The following CDC26 variants were observed in gnomAD, a reference collection of about 807,000 sequenced individuals.
CDC26 encodes anaphase-promoting complex subunit CDC26.
CDC26 carries 2 observed loss-of-function variants against 8.0 expected under a neutral mutation model. That is an observed-to-expected ratio of 0.25 (90% confidence interval 0.10 to 0.79). The LOEUF (loss-of-function observed/expected upper bound fraction) is 0.79. CDC26 is among the 30% of genes least tolerant of loss of function. The pLI, the probability that CDC26 is intolerant of heterozygous loss-of-function variation, is 0.70. For missense variants in CDC26, 68 were observed against 106.0 expected (o/e 0.64, Z 1.57); for synonymous variants, 19 against 34.9 (o/e 0.55, Z 1.60).
rs1588003186 is a variant in CDC26 at position 113,272,599 on chromosome 9, A to G, written c.-41-51T>C. 5 of 872,464 alleles carry G rather than the reference A, an allele frequency of 5.7e-6. No individual in the cohort carries two copies. The East Asian group carries it at 1.2e-4, about 21-fold the overall frequency. 54.0% of individuals were successfully genotyped at this position (872,464 alleles called of 1,614,324 possible). ...AAATCTGAAGGTGATAAAGTCTCAG[A>G]TACAAAACATAAAATCAATTTGCAA... On this transcript the variant is annotated intron_variant, in intron 2 of 3. Coordinates refer to ENST00000374206, the MANE Select transcript of CDC26 (RefSeq NM_139286.4).
chr9:113,272,914 AC>A (rs1427681274), intron 2 of CDC26, among the ~76,000 whole-genome samples: 1 of 151,986 alleles, frequency 6.6e-6, no homozygotes. Context: ...CTGGTCTCAA[AC>A]TCTTGGGCTC....
At position 113,270,662 on chromosome 9, in the gene CDC26, A is replaced by G. The variant is rs374712856; in HGVS notation, c.81+1765T>C. 1.4e-3 allele frequency among the ~76,000 whole-genome samples: 208 copies of G among 152,296 alleles called. 5 individuals are homozygous for G. In the South Asian group the frequency reaches 0.02, roughly 15 times the overall value. ...CTGGAAGAAAGGGAGCACTCCAGGC[A>G]GGGGGAAATAATATGTGGAAAGTCC... On this transcript the variant is annotated intron_variant, in intron 3 of 3. Transcript: ENST00000374206.
chr9:113,275,532 G>A lies in CDC26; in HGVS notation c.-302C>T. 1 of 540,838 alleles carries A rather than the reference G, an allele frequency of 1.8e-6. No homozygotes were observed. Among genetic ancestry groups the A allele is most frequent in the Non-Finnish European group, 3.3e-6 (1 of 303,422 alleles). 33.5% of individuals were successfully genotyped at this position (540,838 alleles called of 1,614,324 possible). ...CCGCGAGCTTTTCCTGGAGGTTCTA[G>A]GAGGGATGCCCCTCAATGCCACGAC... On this transcript the variant is annotated 5_prime_UTR_variant, in exon 1 of 4. Coordinates refer to ENST00000374206, the MANE Select transcript of CDC26 (RefSeq NM_139286.4).
chr9:113,271,848 A>T (rs1333174620), intron 3 of CDC26, among the ~76,000 whole-genome samples: 2 of 152,188 alleles, frequency 1.3e-5, no homozygotes, highest in Non-Finnish European at 2.9e-5. Context: ...GTATATACAT[A>T]TTTATGTATG....
chr9:113,269,534 TG>T (rs1831921732), intron 3 of CDC26, among the ~76,000 whole-genome samples: 1 of 132,330 alleles, frequency 7.6e-6, no homozygotes, highest in Non-Finnish European at 1.6e-5. Context: ...AGTTTTCTAC[TG>T]GTTTCACTTT....
intron 3 of CDC26, 111 bp downstream of exon 3, chr9:113,272,316 G>C: frequency 1.3e-6 from 1 of 791,156 alleles, no homozygotes; most frequent in Non-Finnish European, 2.2e-6. Context: ...CACGCGGGAG[G>C]CTGAGGCAGA....
rs1832051298 is a variant in CDC26 at position 113,275,429 on chromosome 9, C to T, written c.-199G>A. ...CCTTCCCGGAACCTCGGCTCCCCCC[C>T]AACGAAACTACTGCTAAGCCAACTG... On this transcript the variant is annotated 5_prime_UTR_variant, in exon 1 of 4. Transcript: ENST00000374206. 6.0e-6 allele frequency: 2 copies of T among 335,852 alleles called. No individual in the cohort carries two copies. Among genetic ancestry groups the T allele is most frequent in the Non-Finnish European group, 1.1e-5 (2 of 183,388 alleles). 20.8% of individuals were successfully genotyped at this position (335,852 alleles called of 1,614,324 possible). A position where few individuals can be genotyped will look rare whatever the true frequency, so the allele number is the denominator to read the frequency against.
At chr9:113,271,469 G>A (rs1831955367) in intron 3 of CDC26, among the ~76,000 whole-genome samples, 1 of 152,058 alleles carries the variant, frequency 6.6e-6, no homozygotes, top group South Asian at 2.1e-4. Flanking sequence ...TTCACAGACA[G>A]AAAAGAAGAC....
intron 3 of CDC26, among the ~76,000 whole-genome samples, chr9:113,270,681 A>G (rs1014346869): frequency 2.0e-5 from 3 of 152,228 alleles, no homozygotes; most frequent in Middle Eastern, 3.2e-3. Flanking sequence ...TAATATGTGG[A>G]AAGTCCATGG....
Position 113,267,350 on chromosome 9 carries a change from C to T in CDC26, c.171G>A (p.Arg57=). ...CAATCCGATCATTGATCATTTGTTCCCGGCTCTTGGGATCACTGCTAAGCC... is the reference window on the plus strand; with the variant it reads ...CAATCCGATCATTGATCATTTGTTCTCGGCTCTTGGGATCACTGCTAAGCC... ...AIGLSSDPKS[R]EQMINDRIGY... is the part of the protein sequence containing the mutation. The change falls in exon 4 of 4, where the codon CGG becomes CGA. Residue 57 remains arginine, a synonymous_variant. Transcript: ENST00000374206. The T allele has an allele frequency of 6.2e-7, 1 of 1,600,670 alleles. No homozygotes were observed. The highest frequency in any genetic ancestry group is 8.5e-7 in the Non-Finnish European group (1 of 1,174,782).
chr9:113,268,568 C>T (rs1361342386), intron 3 of CDC26, among the ~76,000 whole-genome samples: 4 of 152,230 alleles, frequency 2.6e-5, no homozygotes, highest in African/African-American at 9.6e-5. Context: ...CTACTCAAAT[C>T]ACTGGAATTA....
intron 3 of CDC26, among the ~76,000 whole-genome samples, chr9:113,268,234 A>T (rs553889483): frequency 2.5e-4 from 38 of 152,344 alleles, no homozygotes; most frequent in African/African-American, 8.4e-4. Flanking sequence ...GAGAATAGAA[A>T]AATAAATTGG....
At position 113,275,481 on chromosome 9, in the gene CDC26, C is replaced by CCT. The variant is rs1246777873; in HGVS notation, c.-253_-252dup. The CCT allele has an allele frequency of 1.7e-5, 8 of 478,830 alleles. 1 individual carries two copies. The highest frequency in any genetic ancestry group is 1.2e-4 in the South Asian group (4 of 34,546). 29.7% of individuals were successfully genotyped at this position (478,830 alleles called of 1,614,324 possible). On this transcript the variant is annotated 5_prime_UTR_variant, in exon 1 of 4. Transcript: ENST00000374206. ...ACTACACTTCCCAGACTGCTTGGAGCCTCTCTCTCCGCAGAACCTCGTCTT... is the reference window on the plus strand; with the variant it reads ...ACTACACTTCCCAGACTGCTTGGAGCCTCTCTCTCTCCGCAGAACCTCGTCTT...
At chr9:113,274,515 G>A (rs1832022922) in intron 1 of CDC26, among the ~76,000 whole-genome samples, 2 of 151,768 alleles carry the variant, frequency 1.3e-5, no homozygotes, top group Non-Finnish European at 2.9e-5. Flanking sequence ...GAAAGAGAGG[G>A]ATAGGGATAC....
chr9:113,274,878 A>G (rs1451678500), intron 1 of CDC26, among the ~76,000 whole-genome samples: 2 of 152,136 alleles, frequency 1.3e-5, no homozygotes, highest in Non-Finnish European at 2.9e-5. Context: ...GGAAACGTCA[A>G]TATTTTGAGG....
intron 3 of CDC26, among the ~76,000 whole-genome samples, chr9:113,267,774 G>T (rs1007503203): frequency 1.1e-4 from 17 of 152,006 alleles, no homozygotes; most frequent in African/African-American, 4.1e-4. Context: ...GGATCACGAG[G>T]TCAGGAGATC....
intron 3 of CDC26, among the ~76,000 whole-genome samples, chr9:113,271,431 A>G (rs936252679): frequency 6.6e-6 from 1 of 152,156 alleles, no homozygotes; most frequent in African/African-American, 2.4e-5. Context: ...ACAATCACAC[A>G]TATCATAAGA....
At chr9:113,269,801 G>A (rs1306424547) in intron 3 of CDC26, among the ~76,000 whole-genome samples, 1 of 152,158 alleles carries the variant, frequency 6.6e-6, no homozygotes, top group African/African-American at 2.4e-5. Flanking sequence ...ATGAAGCAGG[G>A]GGAAAGAAAT....
At chr9:113,270,187 A>C (rs945948997) in intron 3 of CDC26, among the ~76,000 whole-genome samples, 2 of 152,224 alleles carry the variant, frequency 1.3e-5, no homozygotes, top group African/African-American at 4.8e-5. Context: ...TTTCTGGCAA[A>C]GGGAACACTG....
Sources: gnomAD v4.1 joint callset for allele counts (sites outside exome capture counted in the v4.1 genomes callset) on GRCh38, gnomAD v4.1.1 for gene constraint, MANE v1.5 for transcripts, NCBI Gene and HGNC (gene_info 2026-07-23, HGNC 2026-07-21) for gene names.